PDE4D: variants seen among roughly 807,000 people sequenced by gnomAD.
PDE4D encodes 3',5'-cyclic-AMP phosphodiesterase 4D.
PDE4D carries 24 observed loss-of-function variants against 87.4 expected under a neutral mutation model. The observed-to-expected ratio is 0.27, with a 90% CI of 0.20 to 0.39. PDE4D has a LOEUF of 0.39. Among genes scored for constraint, PDE4D ranks in the 10% least tolerant of loss-of-function variants. The pLI is 1.00. For missense variants in PDE4D, 714 were observed against 1,041.0 expected (o/e 0.69, Z 4.32); for synonymous variants, 384 against 383.2 (o/e 1.00, Z -0.02).
intron 1 of PDE4D, among the ~76,000 whole-genome samples, chr5:59,598,725 G>GGAA: frequency 6.6e-6 from 1 of 152,094 alleles, no homozygotes; most frequent in Non-Finnish European, 1.5e-5. Flanking sequence ...GTCTAAAGGA[G>GGAA]GAAGCCGTGA....
intron 1 of PDE4D, among the ~76,000 whole-genome samples, chr5:59,543,446 C>T (rs925834182): frequency 6.6e-6 from 1 of 152,052 alleles, no homozygotes. Context: ...TAGTGAAATT[C>T]ATATTCAACT....
chr5:59,195,073 G>C (rs1260095625), intron 2 of PDE4D, among the ~76,000 whole-genome samples: 1 of 152,030 alleles, frequency 6.6e-6, no homozygotes. Flanking sequence ...CATTGTTTGG[G>C]ATGATGCATC....
rs117363390 is a variant in PDE4D at position 59,102,165 on chromosome 5, C to T, written c.809-63194G>A. Among the ~76,000 whole-genome samples the T allele has an allele frequency of 3.2e-3, 471 of 146,832 alleles. 6 individuals carry two copies. In the East Asian group the frequency reaches 0.052, roughly 16 times the overall value. ...GCAATGGTATGATCTCGGCTTACCACAACCTCCGCCTCTTGGGTTCAAGCG... is the reference window on the plus strand; with the variant it reads ...GCAATGGTATGATCTCGGCTTACCATAACCTCCGCCTCTTGGGTTCAAGCG... On this transcript the variant is annotated intron_variant, in intron 5 of 14. Transcript: ENST00000340635.
intron 1 of PDE4D, among the ~76,000 whole-genome samples, chr5:59,395,907 A>C (rs1410647820): frequency 8.3e-6 from 1 of 119,926 alleles, no homozygotes; most frequent in African/African-American, 3.3e-5. Flanking sequence ...GGAGCTGAAA[A>C]CCAAGGCTCA....
intron 2 of PDE4D, among the ~76,000 whole-genome samples, chr5:60,060,186 T>C (rs1436485708): frequency 1.3e-5 from 2 of 152,090 alleles, no homozygotes; most frequent in Admixed American, 1.3e-4. Flanking sequence ...TCTTGCTCTA[T>C]GTTTCTCCAT....
chr5:59,197,628 C>G (rs10472096), intron 2 of PDE4D, among the ~76,000 whole-genome samples: 1 of 152,178 alleles, frequency 6.6e-6, no homozygotes, highest in African/African-American at 2.4e-5. Flanking sequence ...CAAGTAAAAC[C>G]TATTTTTATT....
intron 1 of PDE4D, among the ~76,000 whole-genome samples, chr5:59,356,389 T>G (rs904749966): frequency 6.6e-6 from 1 of 152,208 alleles, no homozygotes; most frequent in African/African-American, 2.4e-5. Context: ...GAAACACTTA[T>G]GAAGAATAAT....
At chr5:60,045,487 T>A (rs1769108950) in intron 2 of PDE4D, among the ~76,000 whole-genome samples, 1 of 152,234 alleles carries the variant, frequency 6.6e-6, no homozygotes, top group African/African-American at 2.4e-5. Context: ...AGGGTTTTTA[T>A]GGTTTTAGGT....
intron 1 of PDE4D, among the ~76,000 whole-genome samples, chr5:59,784,551 A>G (rs7727860): frequency 6.6e-6 from 1 of 152,248 alleles, no homozygotes; most frequent in Non-Finnish European, 1.5e-5. Context: ...TTTTAATATT[A>G]GTATTGAAAA....
At chr5:60,409,140 T>C (rs748521363) in intron 1 of PDE4D, among the ~76,000 whole-genome samples, 3 of 152,096 alleles carry the variant, frequency 2.0e-5, no homozygotes, top group Non-Finnish European at 2.9e-5. Flanking sequence ...GGATGTGGTA[T>C]GGAGAGTAAC....
intron 1 of PDE4D, among the ~76,000 whole-genome samples, chr5:59,772,659 G>T (rs985979137): frequency 3.9e-5 from 6 of 152,184 alleles, no homozygotes; most frequent in Admixed American, 2.0e-4. Flanking sequence ...GCAATGATGT[G>T]GCTAATTCAA....
intron 2 of PDE4D, among the ~76,000 whole-genome samples, chr5:60,162,375 G>A (rs914138782): frequency 1.3e-5 from 2 of 152,034 alleles, no homozygotes; most frequent in Non-Finnish European, 2.9e-5. Flanking sequence ...TTAAGTCTCC[G>A]CAGCTGAGAC....
intron 1 of PDE4D, among the ~76,000 whole-genome samples, chr5:59,380,264 A>G (rs1041727481): frequency 6.6e-6 from 1 of 152,050 alleles, no homozygotes; most frequent in African/African-American, 2.4e-5. Context: ...ATTTACTACA[A>G]ATAGGACTCA....
At position 59,571,022 on chromosome 5, in the gene PDE4D, G is replaced by A. The variant is rs529885560; in HGVS notation, c.455+322146C>T. On this transcript the variant is annotated intron_variant, in intron 1 of 14. Transcript: ENST00000340635. ...TACACATGCCCAACAAATAACTACC[G>A]TTTCCAGTCTTCATGTGCACCATAA... Among the ~76,000 whole-genome samples, 445 of 152,186 alleles carry A rather than the reference G, an allele frequency of 2.9e-3. 2 individuals are homozygous for A. The highest frequency in any genetic ancestry group is 6.8e-3 in the Middle Eastern group (2 of 294).
chr5:59,231,810 C>T (rs571800555), intron 1 of PDE4D, among the ~76,000 whole-genome samples: 2 of 152,294 alleles, frequency 1.3e-5, no homozygotes, highest in South Asian at 4.1e-4. Flanking sequence ...TTCCCTTGAT[C>T]TTCCTCGGTT....
chr5:59,027,468 T>C (rs971694644), intron 6 of PDE4D, among the ~76,000 whole-genome samples: 1 of 152,194 alleles, frequency 6.6e-6, no homozygotes, highest in East Asian at 1.9e-4. Context: ...AGAGTATCTA[T>C]AGAAGTTATT....
At chr5:59,850,246 T>C (rs954424495) in intron 1 of PDE4D, among the ~76,000 whole-genome samples, 18 of 152,012 alleles carry the variant, frequency 1.2e-4, no homozygotes, top group African/African-American at 3.9e-4. Context: ...GGTTAATAGA[T>C]TAGAATAATC....
In PDE4D at chr5:59,258,698, T is replaced by TAA. The variant is rs1761429700; in HGVS notation, c.456-42732_456-42731dup. On this transcript the variant is annotated intron_variant, in intron 1 of 14. Transcript: ENST00000340635. ...ATATATCATATAGATAACATATATA[T>TAA]AATCATATATCATATCATATATAGA... Among the ~76,000 whole-genome samples the TAA allele has an allele frequency of 7.4e-5, 11 of 148,430 alleles. 1 individual carries two copies. In the South Asian group the frequency reaches 2.3e-3, roughly 31 times the overall value.
chr5:59,423,818 T>TTC, intron 1 of PDE4D, among the ~76,000 whole-genome samples: 1 of 151,158 alleles, frequency 6.6e-6, no homozygotes, highest in East Asian at 1.9e-4. Flanking sequence ...ATGTAACCTT[T>TTC]TTTTTTTTTT....
Sources: gnomAD v4.1 joint callset for allele counts (sites outside exome capture counted in the v4.1 genomes callset) on GRCh38, gnomAD v4.1.1 for gene constraint, MANE v1.5 for transcripts, NCBI Gene and HGNC (gene_info 2026-07-23, HGNC 2026-07-21) for gene names.